Variants in KLRG1 observed in about 807,000 individuals in gnomAD.
The protein encoded by KLRG1 is killer cell lectin like receptor G1.
A neutral mutation model predicts 21.8 loss-of-function variants in KLRG1; 16 were observed. The ratio of observed to expected loss-of-function variants is 0.73; its 90% CI spans 0.50 to 1.11. The LOEUF (loss-of-function observed/expected upper bound fraction) is 1.11, where lower values mean the gene tolerates loss of function less well. KLRG1 is among the 50% of genes most tolerant of loss of function. The pLI is 0.00. For synonymous variants in KLRG1, 69 were observed against 75.9 expected (o/e 0.91, Z 0.47); for missense variants, 173 against 218.3 (o/e 0.79, Z 1.31).
the KLRG1 span, among the ~76,000 whole-genome samples, chr12:9,060,154 G>A: frequency 1.9e-4 from 29 of 151,912 alleles, no homozygotes; most frequent in African/African-American, 6.3e-4. Context: ...ACAGGTGCCC[G>A]CCACCACATC....
At chr12:9,162,981 CTA>C in the KLRG1 span, among the ~76,000 whole-genome samples, 3 of 152,130 alleles carry the variant, frequency 2.0e-5, no homozygotes, top group African/African-American at 7.2e-5. Context: ...CTCCATGTGT[CTA>C]TGTGTTTGCA....
chr12:9,009,933 A>G lies in KLRG1; in HGVS notation c.*396A>G. On this transcript the variant is annotated 3_prime_UTR_variant, in exon 5 of 5. Transcript: ENST00000356986. ...ATATACTATTGCTTGTGTACTAGAG[A>G]AGTACATTATTGCTGTACTCCTCTG... The G allele has an allele frequency of 1.3e-6, 2 of 1,509,050 alleles. No individual in the cohort carries two copies. Among genetic ancestry groups the G allele is most frequent in the Non-Finnish European group, 8.9e-7 (1 of 1,123,800 alleles). The allele number at this position is 1,509,050 out of a possible 1,614,324, so 93.5% of individuals were successfully genotyped here. A position where few individuals can be genotyped will look rare whatever the true frequency, so the allele number is the denominator to read the frequency against.
At chr12:9,113,260 A>C in the KLRG1 span, 1 of 1,268,874 alleles carries the variant, frequency 7.9e-7, no homozygotes, top group Non-Finnish European at 1.1e-6. Flanking sequence ...TCCTTCCTGC[A>C]GTTCTTACCA....
chr12:9,165,829 A>G, the KLRG1 span, among the ~76,000 whole-genome samples: 3 of 152,204 alleles, frequency 2.0e-5, no homozygotes, highest in Non-Finnish European at 4.4e-5. Flanking sequence ...TCTCATGTCT[A>G]CTATTTGACA....
chr12:8,955,136 C>T (rs187012537), intron 1 of KLRG1, among the ~76,000 whole-genome samples: 51 of 152,160 alleles, frequency 3.4e-4, no homozygotes, highest in African/African-American at 1.1e-3. Context: ...AGGCTGGTCT[C>T]GAACTCCTGA....
At chr12:9,008,925 G>T in intron 3 of KLRG1, 50 bp from the exon 4 acceptor site, 2 of 1,209,674 alleles carry the variant, frequency 1.7e-6, no homozygotes, top group Non-Finnish European at 2.4e-6. Context: ...AGGAATAATT[G>T]TTTGACTGTG....
the KLRG1 span, among the ~76,000 whole-genome samples, chr12:9,129,311 G>A: frequency 6.6e-6 from 1 of 152,052 alleles, no homozygotes; most frequent in African/African-American, 2.4e-5. Flanking sequence ...TTCTGTTGGT[G>A]ACTACATAAG....
At chr12:9,088,629 G>A in the KLRG1 span, among the ~76,000 whole-genome samples, 3 of 152,148 alleles carry the variant, frequency 2.0e-5, no homozygotes, top group African/African-American at 7.2e-5. Flanking sequence ...TTTGGGGTGA[G>A]AATGCATTGT....
At chr12:8,963,326 C>A (rs898750646) in intron 1 of KLRG1, among the ~76,000 whole-genome samples, 2 of 152,134 alleles carry the variant, frequency 1.3e-5, no homozygotes, top group Non-Finnish European at 2.9e-5. Flanking sequence ...TAGTTTTATA[C>A]AAGGTAATGT....
chr12:9,189,216 G>C, the KLRG1 span, among the ~76,000 whole-genome samples: 1 of 152,108 alleles, frequency 6.6e-6, no homozygotes, highest in Non-Finnish European at 1.5e-5. Context: ...AAAGAAGAAA[G>C]GAGGAGGCAT....
the KLRG1 span, among the ~76,000 whole-genome samples, chr12:9,207,163 G>A: frequency 2.0e-5 from 3 of 152,278 alleles, no homozygotes; most frequent in Admixed American, 6.5e-5. Context: ...ATGGATAAGG[G>A]TAACACACAG....
chr12:9,069,609 T>C, the KLRG1 span: 2 of 576,450 alleles, frequency 3.5e-6, no homozygotes, highest in Non-Finnish European at 6.0e-6. Context: ...AGAAGAACAT[T>C]CTTTTAGAGT....
chr12:9,058,523 A>G, the KLRG1 span: 4 of 142,632 alleles, frequency 2.8e-5, no homozygotes, highest in African/African-American at 7.3e-5. Flanking sequence ...AAACAAACAT[A>G]TATGTTTTAA....
intron 1 of KLRG1, among the ~76,000 whole-genome samples, chr12:8,959,455 A>T (rs143861671): frequency 6.6e-6 from 1 of 152,256 alleles, no homozygotes; most frequent in East Asian, 1.9e-4. Context: ...TTTCATCCCC[A>T]GCCAATCCGT....
At chr12:9,004,835 TCA>T (rs1491016407) in intron 3 of KLRG1, among the ~76,000 whole-genome samples, 1 of 136,724 alleles carries the variant, frequency 7.3e-6, no homozygotes, top group Non-Finnish European at 1.7e-5. Context: ...GATATGGTAG[TCA>T]AGAGTTGTTG....
chr12:9,025,659 A>T, the KLRG1 span, among the ~76,000 whole-genome samples: 1 of 152,166 alleles, frequency 6.6e-6, no homozygotes, highest in Non-Finnish European at 1.5e-5. Context: ...AAAAATATGC[A>T]TGTGAGAGAG....
the KLRG1 span, among the ~76,000 whole-genome samples, chr12:9,099,144 A>G: frequency 6.6e-6 from 1 of 152,182 alleles, no homozygotes; most frequent in African/African-American, 2.4e-5. Context: ...AGAAGAAGGG[A>G]ATAACATACT....
At chr12:9,182,679 C>T in the KLRG1 span, among the ~76,000 whole-genome samples, 1 of 152,188 alleles carries the variant, frequency 6.6e-6, no homozygotes, top group Non-Finnish European at 1.5e-5. Flanking sequence ...CCAGATAACA[C>T]TTCAGAAAAT....
At chr12:9,003,685 G>GT (rs1947373544) in intron 3 of KLRG1, among the ~76,000 whole-genome samples, 1 of 135,348 alleles carries the variant, frequency 7.4e-6, no homozygotes, top group Non-Finnish European at 1.7e-5. Flanking sequence ...GTGTTCAGAG[G>GT]GTTTTTTTTT....
Sources: gnomAD v4.1 joint callset for allele counts (sites outside exome capture counted in the v4.1 genomes callset) on GRCh38, gnomAD v4.1.1 for gene constraint, MANE v1.5 for transcripts, NCBI Gene and HGNC (gene_info 2026-07-23, HGNC 2026-07-21) for gene names.